Variants in LRGUK observed in about 807,000 individuals in gnomAD.
LRGUK encodes leucine rich repeats and guanylate kinase domain containing.
A neutral mutation model predicts 76.0 loss-of-function variants in LRGUK; 65 were observed. That is an observed-to-expected ratio of 0.85 (90% CI 0.70 to 1.05). LRGUK has a LOEUF of 1.05. Ranked by LOEUF, LRGUK falls within the 50% of genes least tolerant of loss-of-function variation. The pLI is 0.00. For missense variants in LRGUK, 758 were observed against 732.8 expected, an observed-to-expected ratio of 1.03 and a Z score of -0.40; for synonymous variants, 268 against 265.6, an observed-to-expected ratio of 1.01 and a Z score of -0.09.
At chr7:134,144,863 G>T (rs995182958) in intron 4 of LRGUK, among the ~76,000 whole-genome samples, 1 of 152,120 alleles carries the variant, frequency 6.6e-6, no homozygotes, top group African/African-American at 2.4e-5. Flanking sequence ...GTGTGGGGCC[G>T]CATCGTCTTG....
intron 5 of LRGUK, among the ~76,000 whole-genome samples, chr7:134,150,824 G>T (rs1247787262): frequency 6.6e-6 from 1 of 151,658 alleles, no homozygotes; most frequent in Non-Finnish European, 1.5e-5. Flanking sequence ...AAAGGAATTA[G>T]GGTTTTTTTT....
intron 16 of LRGUK, among the ~76,000 whole-genome samples, chr7:134,242,824 A>G (rs1305799008): frequency 6.6e-6 from 1 of 152,182 alleles, no homozygotes; most frequent in Non-Finnish European, 1.5e-5. Context: ...GGCAAACCAA[A>G]TTCAGCAGCA....
chr7:134,257,424 C>T (rs981596156), intron 18 of LRGUK, among the ~76,000 whole-genome samples: 1 of 152,004 alleles, frequency 6.6e-6, no homozygotes, highest in African/African-American at 2.4e-5. Flanking sequence ...CAGGTGAATC[C>T]CAAAGGAGAG....
intron 16 of LRGUK, among the ~76,000 whole-genome samples, chr7:134,223,827 G>A (rs949649812): frequency 6.6e-6 from 1 of 152,044 alleles, no homozygotes; most frequent in Non-Finnish European, 1.5e-5. Flanking sequence ...TTGACATGTT[G>A]CATAGGCTGG....
At chr7:134,209,300 G>C (rs1801142142) in exon 16 of LRGUK, 1 of 399,244 alleles carries the variant, frequency 2.5e-6, no homozygotes. Context: ...AATTGAGTCA[G>C]ACAAACTTCC....
intron 7 of LRGUK, among the ~76,000 whole-genome samples, chr7:134,164,119 T>G (rs1798873332): frequency 6.6e-6 from 1 of 152,222 alleles, no homozygotes; most frequent in Admixed American, 6.5e-5. Context: ...GCAAAAATGA[T>G]TACTTTGTGA....
intron 18 of LRGUK, among the ~76,000 whole-genome samples, chr7:134,257,079 A>G (rs1585607661): frequency 1.3e-5 from 2 of 152,276 alleles, no homozygotes; most frequent in Admixed American, 1.3e-4. Flanking sequence ...CCCCTTGCTG[A>G]GTCAGGGACT....
chr7:134,192,361 G>A (rs865878570), intron 12 of LRGUK, among the ~76,000 whole-genome samples: 2 of 152,192 alleles, frequency 1.3e-5, no homozygotes, highest in African/African-American at 4.8e-5. Flanking sequence ...GATGGGAGAT[G>A]ATCCCTAACT....
chr7:134,138,649 G>A (rs1158511259), intron 2 of LRGUK, among the ~76,000 whole-genome samples: 1 of 152,046 alleles, frequency 6.6e-6, no homozygotes, highest in Non-Finnish European at 1.5e-5. Context: ...TATTCTATAT[G>A]AGAACGTGCT....
intron 11 of LRGUK, among the ~76,000 whole-genome samples, chr7:134,190,001 C>G (rs985378607): frequency 1.5e-4 from 23 of 152,296 alleles, no homozygotes; most frequent in African/African-American, 4.8e-4. Flanking sequence ...GAGGTTGGAA[C>G]TTTACTCTCT....
intron 15 of LRGUK, 22 bp downstream of exon 15, chr7:134,201,598 G>A: frequency 1.3e-6 from 2 of 1,570,950 alleles, no homozygotes; most frequent in Non-Finnish European, 1.7e-6. Context: ...TCATTTTTGT[G>A]CCAGGATTTT....
chr7:134,230,302 A>G (rs1033109405), intron 16 of LRGUK, among the ~76,000 whole-genome samples: 6 of 152,216 alleles, frequency 3.9e-5, no homozygotes, highest in African/African-American at 1.2e-4. Context: ...TATAATCGCA[A>G]TGAGATACTA....
chr7:134,244,453 A>G (rs1031471622), intron 16 of LRGUK, among the ~76,000 whole-genome samples: 8 of 152,242 alleles, frequency 5.3e-5, no homozygotes, highest in Non-Finnish European at 8.8e-5. Flanking sequence ...ACATGAAAAC[A>G]TGCTCATCAT....
In LRGUK at chr7:134,258,235, CTTTGGTTTTT is replaced by C. The variant is rs1361893987; in HGVS notation, c.2199-21_2199-12del. The C allele has an allele frequency of 1.9e-5, 31 of 1,613,466 alleles. No homozygotes were observed. Among genetic ancestry groups the C allele is most frequent in the Non-Finnish European group, 2.6e-5 (31 of 1,179,650 alleles). On this transcript the variant is annotated splice_polypyrimidine_tract_variant and intron_variant, in intron 18 of 19. Coordinates refer to the LRGUK transcript ENST00000285928. ...CGAATAGTTTGGATCTCAAAAAGAT[CTTTGGTTTTT>C]CATTTTTTCAGTGGGAAGGATTCCT...
intron 1 of LRGUK, among the ~76,000 whole-genome samples, chr7:134,133,583 G>T (rs998274629): frequency 1.3e-5 from 2 of 152,150 alleles, no homozygotes; most frequent in African/African-American, 4.8e-5. Flanking sequence ...ATTGAGCCAA[G>T]CACAGTGGCT....
intron 5 of LRGUK, among the ~76,000 whole-genome samples, chr7:134,151,306 G>A (rs1281626810): frequency 1.3e-5 from 2 of 152,006 alleles, no homozygotes; most frequent in African/African-American, 4.8e-5. Flanking sequence ...TGAAAACTTG[G>A]ATGAAATACA....
At chr7:134,248,815 T>C (rs1441005564) in intron 17 of LRGUK, 136 bp from the exon 18 acceptor site, 2 of 573,804 alleles carry the variant, frequency 3.5e-6, no homozygotes, top group Non-Finnish European at 5.2e-6. Context: ...TGTTTCTGAG[T>C]GGATATATTA....
the LRGUK span, among the ~76,000 whole-genome samples, chr7:134,274,982 A>G: frequency 1.3e-5 from 2 of 151,780 alleles, no homozygotes; most frequent in East Asian, 3.9e-4. Flanking sequence ...TTTGTTTTAT[A>G]TTTTTTATTG....
chr7:134,178,253 AACC>A (rs369773407), intron 9 of LRGUK, among the ~76,000 whole-genome samples: 1 of 152,028 alleles, frequency 6.6e-6, no homozygotes, highest in African/African-American at 2.4e-5. Context: ...TTCCCTCCCA[AACC>A]AGGCAGAATA....
Sources: gnomAD v4.1 joint callset for allele counts (sites outside exome capture counted in the v4.1 genomes callset) on GRCh38, gnomAD v4.1.1 for gene constraint, MANE v1.5 for transcripts, NCBI Gene and HGNC (gene_info 2026-07-23, HGNC 2026-07-21) for gene names.